The following NAV2 variants were observed in gnomAD, a reference collection of about 807,000 sequenced individuals.
The protein encoded by NAV2 is helicase, APC down-regulated 1.
In NAV2, 54 loss-of-function variants were observed where a neutral mutation model predicts 223.2. That is an observed-to-expected ratio of 0.24 (90% CI 0.19 to 0.30). The LOEUF is 0.30. Ranked by LOEUF, NAV2 falls within the 10% of genes least tolerant of loss-of-function variation. The probability of loss-of-function intolerance (pLI) is 1.00; values close to 1 mark genes in which losing one functional copy is unlikely to be tolerated. For synonymous variants in NAV2, 1,279 were observed against 1,239.3 expected (o/e 1.03, Z -0.67); for missense variants, 2,806 against 3,147.5 (o/e 0.89, Z 2.60).
intron 1 of NAV2, among the ~76,000 whole-genome samples, chr11:19,740,644 G>A (rs1252104970): frequency 6.6e-6 from 1 of 152,200 alleles, no homozygotes; most frequent in African/African-American, 2.4e-5. Flanking sequence ...TTGCAGAGGG[G>A]AAGAGTACAA....
chr11:19,368,003 G>A (rs931113665), intron 1 of NAV2, among the ~76,000 whole-genome samples: 12 of 152,142 alleles, frequency 7.9e-5, no homozygotes, highest in South Asian at 2.1e-4. Context: ...CATGGCTCCC[G>A]TGTCATTCAG....
intron 6 of NAV2, among the ~76,000 whole-genome samples, chr11:19,912,759 A>T (rs1315739836): frequency 6.6e-6 from 1 of 152,170 alleles, no homozygotes; most frequent in African/African-American, 2.4e-5. Flanking sequence ...ACATTACTGT[A>T]TGTATACATC....
intron 10 of NAV2, among the ~76,000 whole-genome samples, chr11:19,969,598 G>T (rs956858746): frequency 4.0e-5 from 6 of 151,850 alleles, no homozygotes; most frequent in African/African-American, 1.2e-4. Flanking sequence ...TTTTTCCTAT[G>T]CATACATACC....
chr11:19,899,477 A>G (rs963938519), intron 6 of NAV2, among the ~76,000 whole-genome samples: 1 of 152,194 alleles, frequency 6.6e-6, no homozygotes, highest in Non-Finnish European at 1.5e-5. Flanking sequence ...TGCAGACAAA[A>G]GTACAGTTGG....
At chr11:19,564,109 C>T (rs920048573) in intron 1 of NAV2, among the ~76,000 whole-genome samples, 6 of 152,214 alleles carry the variant, frequency 3.9e-5, no homozygotes, top group Non-Finnish European at 8.8e-5. Flanking sequence ...ACCCCTACCC[C>T]TCCAGGGAAG....
chr11:19,418,684 G>A (rs1850482787), intron 1 of NAV2, among the ~76,000 whole-genome samples: 1 of 152,168 alleles, frequency 6.6e-6, no homozygotes, highest in South Asian at 2.1e-4. Flanking sequence ...GGAAAAAGAG[G>A]CAGCAGCCAG....
chr11:19,407,148 T>G (rs554891578), intron 1 of NAV2, among the ~76,000 whole-genome samples: 1 of 152,342 alleles, frequency 6.6e-6, no homozygotes, highest in African/African-American at 2.4e-5. Flanking sequence ...ATTCTTTCTC[T>G]GCATATTTAC....
intron 1 of NAV2, among the ~76,000 whole-genome samples, chr11:19,813,443 A>G (rs10766596): frequency 0.54 from 82,313 of 152,062 alleles, 23,887 homozygotes; most frequent in Middle Eastern, 0.68. Flanking sequence ...CCAAAGAAAC[A>G]GTGATTTATT....
At chr11:19,857,458 G>A (rs2061468099) in intron 3 of NAV2, among the ~76,000 whole-genome samples, 1 of 152,214 alleles carries the variant, frequency 6.6e-6, no homozygotes, top group Non-Finnish European at 1.5e-5. Flanking sequence ...TGCTCCTTGA[G>A]GGAAGGACCA....
In NAV2 at chr11:20,049,796, A is replaced by G. The variant is rs1171296368; in HGVS notation, c.4371-40A>G. On this transcript the variant is annotated intron_variant, in intron 15 of 37. Transcript: ENST00000349880. ...CAACACCTCTCCTTTCTTCCAAGCT[A>G]ACGTTCCTTCTCTTGTTTTCTACCT... 8.2e-6 allele frequency: 13 copies of G among 1,587,268 alleles called. No individual in the cohort carries two copies. The African/African-American group carries it at 1.8e-4, about 21-fold the overall frequency.
At chr11:19,427,054 G>T (rs780229764) in intron 1 of NAV2, among the ~76,000 whole-genome samples, 3 of 116,128 alleles carry the variant, frequency 2.6e-5, no homozygotes, top group African/African-American at 3.8e-5. Context: ...GCAGCTGACC[G>T]GGACACTCTT....
At chr11:19,920,535 C>T (rs919429211) in intron 6 of NAV2, among the ~76,000 whole-genome samples, 9 of 152,222 alleles carry the variant, frequency 5.9e-5, no homozygotes, top group African/African-American at 2.4e-5. Flanking sequence ...GACCTACCCA[C>T]CTTGGCCTCC....
chr11:19,351,706 G>A (rs752681187), intron 1 of NAV2, among the ~76,000 whole-genome samples: 2 of 149,416 alleles, frequency 1.3e-5, no homozygotes, highest in Non-Finnish European at 3.0e-5. Flanking sequence ...AGCTAAGAAC[G>A]GGGCGTGGCA....
intron 12 of NAV2, among the ~76,000 whole-genome samples, chr11:20,042,841 C>A (rs181656162): frequency 2.0e-5 from 3 of 152,296 alleles, no homozygotes; most frequent in Non-Finnish European, 2.9e-5. Context: ...CTGCTTCTCG[C>A]TACTGACATC....
At chr11:19,528,848 T>G (rs1590418097) in intron 1 of NAV2, among the ~76,000 whole-genome samples, 1 of 149,984 alleles carries the variant, frequency 6.7e-6, no homozygotes, top group East Asian at 2.0e-4. Context: ...GAGAATCACT[T>G]GAACTCGGGA....
intron 26 of NAV2, among the ~76,000 whole-genome samples, chr11:20,086,931 T>A (rs2060483894): frequency 6.6e-6 from 1 of 152,068 alleles, no homozygotes; most frequent in Admixed American, 6.6e-5. Context: ...CTGGACTTCC[T>A]AGAGGTGTAG....
intron 9 of NAV2, among the ~76,000 whole-genome samples, chr11:19,948,118 T>C (rs1461795599): frequency 1.3e-5 from 2 of 152,000 alleles, no homozygotes; most frequent in South Asian, 2.1e-4. Flanking sequence ...GGAGTCTCAC[T>C]CTCTGTCGGC....
chr11:19,875,495 G>A (rs1362429782), intron 4 of NAV2, among the ~76,000 whole-genome samples: 3 of 152,206 alleles, frequency 2.0e-5, no homozygotes, highest in African/African-American at 7.2e-5. Flanking sequence ...GCACACCATA[G>A]TGAAGGTGAA....
chr11:19,465,603 G>C (rs1224784923), intron 1 of NAV2, among the ~76,000 whole-genome samples: 1 of 152,168 alleles, frequency 6.6e-6, no homozygotes, highest in Non-Finnish European at 1.5e-5. Flanking sequence ...CCTGATTAGG[G>C]CTTTTGAGAA....
Sources: gnomAD v4.1 joint callset for allele counts (sites outside exome capture counted in the v4.1 genomes callset) on GRCh38, gnomAD v4.1.1 for gene constraint, MANE v1.5 for transcripts, NCBI Gene and HGNC (gene_info 2026-07-23, HGNC 2026-07-21) for gene names.